The following CTNNBIP1 variants were observed in gnomAD, a reference collection of about 807,000 sequenced individuals.
CTNNBIP1 encodes the protein catenin beta interacting protein 1.
CTNNBIP1 carries 7 observed loss-of-function variants against 11.8 expected under a neutral mutation model. The observed-to-expected ratio is 0.60, with a 90% CI of 0.34 to 1.12. CTNNBIP1 has a LOEUF of 1.12. Ranked by LOEUF, CTNNBIP1 falls within the 50% of genes most tolerant of loss-of-function variation. The probability of loss-of-function intolerance (pLI) is 0.03; values close to 1 mark genes in which losing one functional copy is unlikely to be tolerated. For synonymous variants in CTNNBIP1, 58 were observed against 43.9 expected (o/e 1.32, Z -1.26); for missense variants, 101 against 113.4 (o/e 0.89, Z 0.50).
chr1:9,903,616 C>T (rs945082807), intron 1 of CTNNBIP1, among the ~76,000 whole-genome samples: 1 of 152,146 alleles, frequency 6.6e-6, no homozygotes, highest in African/African-American at 2.4e-5. Flanking sequence ...AGTTCAAAAG[C>T]ACTTTGGCTC....
In CTNNBIP1 at chr1:9,867,123, C is replaced by A. The variant is rs1219403893; in HGVS notation, c.187+4064G>T. Among the ~76,000 whole-genome samples, 1 of 152,108 alleles carries A rather than the reference C, an allele frequency of 6.6e-6. No individual in the cohort carries two copies. The highest frequency in any genetic ancestry group is 2.4e-5 in the African/African-American group (1 of 41,424). On this transcript the variant is annotated intron_variant, in intron 5 of 5. Transcript: ENST00000377263. The surrounding 1 kb of genome is among the most constrained non-coding windows in gnomAD (Gnocchi z 4.6). ...TGTGGAACAGGGAGAAGAGAGGGGG[C>A]AACCCTGGAGGATGACAGCCCTGAT...
chr1:9,877,167 G>C (rs1318647010), intron 3 of CTNNBIP1, among the ~76,000 whole-genome samples: 1 of 152,206 alleles, frequency 6.6e-6, no homozygotes, highest in Admixed American at 6.5e-5. Context: ...AGGAGGTAGT[G>C]CAAGAGGGAC....
intron 5 of CTNNBIP1, among the ~76,000 whole-genome samples, chr1:9,858,804 G>A (rs927139407): frequency 1.3e-5 from 2 of 152,168 alleles, no homozygotes. Context: ...CTTTACAGAT[G>A]AGGAAACTGA....
At position 9,850,663 on chromosome 1, in the gene CTNNBIP1, C is replaced by T; in HGVS notation, c.*55G>A. ...TGCTGCCACTCAGCCGGCCCAGGAG[C>T]CACACAGATCTCTTGGCCCTCAACA... On this transcript the variant is annotated 3_prime_UTR_variant, in exon 6 of 6. Coordinates refer to ENST00000377263, the MANE Select transcript of CTNNBIP1 (RefSeq NM_020248.3). The T allele has an allele frequency of 6.5e-7, 1 of 1,548,456 alleles. No individual in the cohort carries two copies. The highest frequency in any genetic ancestry group is 1.7e-5 in the Admixed American group (1 of 59,924).
At chr1:9,894,002 C>G (rs1318268292) in intron 1 of CTNNBIP1, among the ~76,000 whole-genome samples, 1 of 152,182 alleles carries the variant, frequency 6.6e-6, no homozygotes, top group African/African-American at 2.4e-5. Flanking sequence ...AGGGCCACGG[C>G]AACCAAAGGA....
intron 5 of CTNNBIP1, 58 bp from the exon 6 acceptor site, chr1:9,850,834 G>T: frequency 6.5e-7 from 1 of 1,539,944 alleles, no homozygotes; most frequent in Admixed American, 1.7e-5. Context: ...TTGCGAACAG[G>T]ACAAGCAAGG....
At chr1:9,884,125 G>A (rs544764881) in intron 1 of CTNNBIP1, among the ~76,000 whole-genome samples, 6 of 152,240 alleles carry the variant, frequency 3.9e-5, no homozygotes, top group South Asian at 2.1e-4. Flanking sequence ...AGGCAGAGCC[G>A]GGGTACAAGG....
intron 1 of CTNNBIP1, among the ~76,000 whole-genome samples, chr1:9,897,946 C>T (rs1320600735): frequency 6.6e-6 from 1 of 151,568 alleles, no homozygotes; most frequent in South Asian, 2.1e-4. Context: ...GGGCGAAACC[C>T]CGTCTCTACT....
Position 9,871,137 on chromosome 1 carries a change from G to T in CTNNBIP1, c.187+50C>A. The stretch of plus-strand genomic sequence containing the variant: ...CGCTTTCTAAGGGAACCACAAGTCG[G>T]TGCCCCTGGGACTTGTGCCACTGCC... On this transcript the variant is annotated intron_variant, in intron 5 of 5. Transcript: ENST00000377263. The surrounding 1 kb of genome is among the most constrained non-coding windows in gnomAD (Gnocchi z 5.2). The T allele has an allele frequency of 7.3e-7, 1 of 1,367,470 alleles. No homozygotes were observed. Among genetic ancestry groups the T allele is most frequent in the South Asian group, 1.2e-5 (1 of 80,176 alleles). The allele number at this position is 1,367,470 out of a possible 1,614,324, so 84.7% of individuals were successfully genotyped here.
At chr1:9,885,554 G>A (rs1350092518) in intron 1 of CTNNBIP1, among the ~76,000 whole-genome samples, 2 of 151,946 alleles carry the variant, frequency 1.3e-5, no homozygotes, top group Admixed American at 1.3e-4. Context: ...TGAGGTGGGA[G>A]GATCGCTTGA....
chr1:9,879,112 G>A (rs954987993), intron 2 of CTNNBIP1, among the ~76,000 whole-genome samples: 4 of 152,158 alleles, frequency 2.6e-5, no homozygotes, highest in East Asian at 1.9e-4. Flanking sequence ...CAGGAGAATC[G>A]GTTGAACCTG....
intron 1 of CTNNBIP1, among the ~76,000 whole-genome samples, chr1:9,890,720 T>C (rs1639284056): frequency 6.6e-6 from 1 of 152,114 alleles, no homozygotes; most frequent in Admixed American, 6.5e-5. Flanking sequence ...TGACCGACCT[T>C]CCCCATGGGC....
At chr1:9,876,161 T>A (rs1638965004) in intron 3 of CTNNBIP1, among the ~76,000 whole-genome samples, 1 of 152,220 alleles carries the variant, frequency 6.6e-6, no homozygotes, top group African/African-American at 2.4e-5. Flanking sequence ...ATTCATCCAG[T>A]CCTTGAACGT....
chr1:9,864,075 A>C (rs533866758), intron 5 of CTNNBIP1, among the ~76,000 whole-genome samples: 82 of 152,168 alleles, frequency 5.4e-4, no homozygotes, highest in Non-Finnish European at 9.7e-4. Context: ...CAGCTTCCAA[A>C]GGGGAAAGCC....
In CTNNBIP1 at chr1:9,877,997, AAC is replaced by A. The variant is rs1639007098; in HGVS notation, c.-109-10_-109-9del. The A allele has an allele frequency of 6.5e-6, 1 of 152,720 alleles. No homozygotes were observed. The highest frequency in any genetic ancestry group is 1.5e-5 in the Non-Finnish European group (1 of 68,100). The allele number at this position is 152,720 out of a possible 1,614,324, so 9.5% of individuals were successfully genotyped here. A position where few individuals can be genotyped will look rare whatever the true frequency, so the allele number is the denominator to read the frequency against. On this transcript the variant is annotated splice_polypyrimidine_tract_variant and intron_variant, in intron 2 of 5. Coordinates refer to ENST00000377263, the MANE Select transcript of CTNNBIP1 (RefSeq NM_020248.3). ...AAGTAGGAAGGTGCCGCCCTGCAGA[AAC>A]ACAGAACACAGGTTGTGGGAGGAGT...
chr1:9,857,905 G>A (rs571119141), intron 5 of CTNNBIP1, among the ~76,000 whole-genome samples: 4 of 152,308 alleles, frequency 2.6e-5, no homozygotes, highest in African/African-American at 7.2e-5. Context: ...GCCAGGTTGT[G>A]GAGCAATTGG....
intron 1 of CTNNBIP1, among the ~76,000 whole-genome samples, chr1:9,898,087 T>C (rs972504122): frequency 1.3e-5 from 2 of 150,328 alleles, no homozygotes; most frequent in African/African-American, 4.9e-5. Context: ...TGAACTCCAG[T>C]CTGGATAACA....
At chr1:9,852,074 G>A (rs1235505552) in intron 5 of CTNNBIP1, among the ~76,000 whole-genome samples, 2 of 152,216 alleles carry the variant, frequency 1.3e-5, no homozygotes, top group Non-Finnish European at 2.9e-5. Context: ...GGAGAGACAG[G>A]AAAGGCCACC....
At chr1:9,880,997 C>CA (rs140714601) in intron 2 of CTNNBIP1, among the ~76,000 whole-genome samples, 2,545 of 152,248 alleles carry the variant, frequency 0.017, 61 homozygotes, top group African/African-American at 0.057. Flanking sequence ...AGGAGGGCCC[C>CA]ATGCTTGGTT....
Sources: gnomAD v4.1 joint callset for allele counts (sites outside exome capture counted in the v4.1 genomes callset) on GRCh38, gnomAD v4.1.1 for gene constraint, Gnocchi (gnomAD v3.1) non-coding constraint, MANE v1.5 for transcripts, NCBI Gene and HGNC (gene_info 2026-07-23, HGNC 2026-07-21) for gene names.